Variants in FANCC observed in about 807,000 individuals in gnomAD.
FANCC encodes the protein Fanconi anemia group C protein.
Under a neutral mutation model 71.3 loss-of-function variants are expected in FANCC, and 55 were observed. The ratio of observed to expected loss-of-function variants is 0.77; its 90% confidence interval spans 0.62 to 0.97. The LOEUF is 0.97. FANCC is among the 50% of genes least tolerant of loss of function. The pLI, the probability that FANCC is intolerant of heterozygous loss-of-function variation, is 0.00. For synonymous variants in FANCC, 275 were observed against 244.9 expected (o/e 1.12, Z -1.15); for missense variants, 678 against 670.9 (o/e 1.01, Z -0.12).
intron 4 of FANCC, among the ~76,000 whole-genome samples, chr9:95,218,452 A>C (rs1406406422): frequency 6.6e-6 from 1 of 152,204 alleles, no homozygotes; most frequent in African/African-American, 2.4e-5. Context: ...CAACAGAAGG[A>C]GACCCTGTCT....
intron 4 of FANCC, among the ~76,000 whole-genome samples, chr9:95,192,559 C>CTA (rs1336124625): frequency 6.6e-6 from 1 of 152,166 alleles, no homozygotes. Context: ...AATGAACAAA[C>CTA]TATAGAACAC....
At position 95,112,892 on chromosome 9, in the gene FANCC, G is replaced by C. The variant is rs570318112; in HGVS notation, c.1155-1255C>G. Among the ~76,000 whole-genome samples, 3 of 152,362 alleles carry C rather than the reference G, an allele frequency of 2.0e-5. No homozygotes were observed. The East Asian group carries it at 5.8e-4, about 29-fold the overall frequency. ...ACCACATGCGCCCTTTCTGGTTGCT[G>C]TTTTATTCCAGTCTTCACGCATTTG... On this transcript the variant is annotated intron_variant, in intron 12 of 14. Transcript: ENST00000289081.
At chr9:95,230,245 G>A (rs1242320941) in intron 4 of FANCC, among the ~76,000 whole-genome samples, 2 of 152,190 alleles carry the variant, frequency 1.3e-5, no homozygotes, top group Non-Finnish European at 2.9e-5. Context: ...GCGGTGTAGT[G>A]CGGCTGCAGT....
chr9:95,230,007 C>G (rs1221315404), intron 4 of FANCC, among the ~76,000 whole-genome samples: 1 of 152,016 alleles, frequency 6.6e-6, no homozygotes, highest in Non-Finnish European at 1.5e-5. Context: ...AGAACATGAA[C>G]AAAAAGACAT....
intron 4 of FANCC, among the ~76,000 whole-genome samples, chr9:95,226,855 A>C (rs1364695297): frequency 6.6e-6 from 1 of 151,822 alleles, no homozygotes; most frequent in Non-Finnish European, 1.5e-5. Context: ...CCAAGGTCAC[A>C]CCCCCATCCC....
intron 1 of FANCC, among the ~76,000 whole-genome samples, chr9:95,252,715 A>G (rs1831425534): frequency 6.7e-6 from 1 of 148,542 alleles, no homozygotes; most frequent in South Asian, 2.2e-4. Flanking sequence ...ACTGCACTCC[A>G]GCCTGGGCAA....
At chr9:95,160,791 T>C (rs893352060) in intron 6 of FANCC, among the ~76,000 whole-genome samples, 8 of 152,180 alleles carry the variant, frequency 5.3e-5, no homozygotes, top group African/African-American at 9.6e-5. Flanking sequence ...TTTGTAGCAA[T>C]TGTGAGTGGG....
intron 14 of FANCC, among the ~76,000 whole-genome samples, chr9:95,103,082 C>T (rs73654530): frequency 0.012 from 1,877 of 152,224 alleles, 35 homozygotes; most frequent in African/African-American, 0.037. Flanking sequence ...ATCAAGGAAA[C>T]AATGTGAGCC....
chr9:95,308,227 A>G (rs1328533252), intron 1 of FANCC, among the ~76,000 whole-genome samples: 2 of 152,116 alleles, frequency 1.3e-5, no homozygotes, highest in Non-Finnish European at 2.9e-5. Flanking sequence ...TTTTAAATTA[A>G]ACATCTTAGG....
At chr9:95,241,630 C>T (rs1404277063) in intron 3 of FANCC, among the ~76,000 whole-genome samples, 1 of 152,258 alleles carries the variant, frequency 6.6e-6, no homozygotes, top group East Asian at 1.9e-4. Context: ...GTACTCTCTG[C>T]CACCTCATCT....
At chr9:95,261,136 G>C (rs983655997) in intron 1 of FANCC, among the ~76,000 whole-genome samples, 1 of 152,194 alleles carries the variant, frequency 6.6e-6, no homozygotes, top group South Asian at 2.1e-4. Flanking sequence ...AGTGTCACCC[G>C]AAGCAGACAT....
At chr9:95,151,629 A>G (rs1420577744) in intron 6 of FANCC, among the ~76,000 whole-genome samples, 3 of 152,082 alleles carry the variant, frequency 2.0e-5, no homozygotes, top group Non-Finnish European at 4.4e-5. Flanking sequence ...GTATTTGCAT[A>G]CTGAATTGCC....
At chr9:95,259,571 C>G (rs1341370488) in intron 1 of FANCC, among the ~76,000 whole-genome samples, 2 of 152,144 alleles carry the variant, frequency 1.3e-5, no homozygotes, top group Non-Finnish European at 2.9e-5. Flanking sequence ...AAATGTAAGA[C>G]CTAAAACCAT....
intron 7 of FANCC, among the ~76,000 whole-genome samples, chr9:95,141,463 TAAAC>T (rs1420058439): frequency 6.6e-6 from 1 of 152,196 alleles, no homozygotes; most frequent in Non-Finnish European, 1.5e-5. Flanking sequence ...TTTCTTTGTT[TAAAC>T]ACTCACCTAT....
intron 6 of FANCC, among the ~76,000 whole-genome samples, chr9:95,169,325 G>A (rs1825513113): frequency 1.3e-5 from 2 of 152,208 alleles, no homozygotes; most frequent in South Asian, 2.1e-4. Context: ...AGACATTAAA[G>A]TTGTGAGTGG....
At chr9:95,134,692 C>A (rs1414126497) in intron 8 of FANCC, among the ~76,000 whole-genome samples, 2 of 152,234 alleles carry the variant, frequency 1.3e-5, no homozygotes, top group Non-Finnish European at 2.9e-5. Context: ...CACAGAGCTG[C>A]CTCCCACAAA....
intron 10 of FANCC, among the ~76,000 whole-genome samples, chr9:95,122,527 CCT>C (rs1239299030): frequency 2.0e-5 from 3 of 152,130 alleles, no homozygotes; most frequent in Admixed American, 6.5e-5. Context: ...GTGGTGAATT[CCT>C]GTTTGTTTTT....
chr9:95,205,541 G>A (rs1463279664), intron 4 of FANCC, among the ~76,000 whole-genome samples: 1 of 151,164 alleles, frequency 6.6e-6, no homozygotes, highest in East Asian at 1.9e-4. Flanking sequence ...TAAAATATCT[G>A]TGTTTTTCCA....
chr9:95,106,985 G>A, intron 14 of FANCC, 81 bp downstream of exon 14: 3 of 1,376,858 alleles, frequency 2.2e-6, no homozygotes, highest in East Asian at 2.4e-5. Flanking sequence ...ACTGTGCAGA[G>A]GCCAGACCCT....
Sources: allele counts gnomAD v4.1 joint callset (sites outside exome capture counted in the v4.1 genomes callset), GRCh38; gene constraint gnomAD v4.1.1; transcripts MANE v1.5; gene names NCBI Gene and HGNC (gene_info 2026-07-23, HGNC 2026-07-21).